Variants in BCAS3 observed in about 807,000 individuals in gnomAD.
The protein encoded by BCAS3 is BCAS3 microtubule associated cell migration factor.
Under a neutral mutation model 116.1 loss-of-function variants are expected in BCAS3, and 53 were observed. The observed-to-expected ratio is 0.46, with a 90% CI of 0.37 to 0.57. The LOEUF is 0.57. BCAS3 is among the 20% of genes least tolerant of loss of function. BCAS3 has a pLI of 0.00. For missense variants in BCAS3, 917 were observed against 1,165.4 expected, an observed-to-expected ratio of 0.79 and a Z score of 3.10; for synonymous variants, 391 against 408.2, an observed-to-expected ratio of 0.96 and a Z score of 0.51.
At chr17:61,031,440 A>G (rs1397061686) in intron 16 of BCAS3, among the ~76,000 whole-genome samples, 2 of 152,074 alleles carry the variant, frequency 1.3e-5, no homozygotes, top group South Asian at 4.1e-4. Context: ...TTGGACTTTT[A>G]AAAACTTAGG....
In BCAS3 at chr17:61,040,449, A is replaced by G. The variant is rs960654842; in HGVS notation, c.1929-343A>G. The stretch of plus-strand genomic sequence containing the variant: ...ATATACACATATTTTAAGAATAGAG[A>G]GGTCAGAAATTACATAAATTAGAAC... On this transcript the variant is annotated intron_variant, in intron 18 of 23. Coordinates refer to ENST00000407086, the MANE Select transcript of BCAS3 (RefSeq NM_017679.5). Among the ~76,000 whole-genome samples the G allele has an allele frequency of 5.3e-5, 8 of 152,302 alleles. No individual in the cohort carries two copies. In the East Asian group the frequency reaches 9.6e-4, roughly 18 times the overall value.
chr17:61,072,952 A>G (rs926279229), intron 19 of BCAS3, among the ~76,000 whole-genome samples: 4 of 151,902 alleles, frequency 2.6e-5, no homozygotes, highest in Non-Finnish European at 4.4e-5. Context: ...GCCTCTACAT[A>G]TTTTCCATAT....
intron 22 of BCAS3, among the ~76,000 whole-genome samples, chr17:61,129,137 G>C (rs138577841): frequency 6.6e-6 from 1 of 152,326 alleles, no homozygotes; most frequent in African/African-American, 2.4e-5. Flanking sequence ...TGTAGCACTA[G>C]GCTAGCCACC....
chr17:60,880,954 T>TG (rs1319394765), intron 9 of BCAS3, among the ~76,000 whole-genome samples: 130 of 135,722 alleles, frequency 9.6e-4, no homozygotes, highest in Non-Finnish European at 1.5e-3. Flanking sequence ...CTTTCTTCTT[T>TG]TTTTTGTTTT....
intron 10 of BCAS3, among the ~76,000 whole-genome samples, chr17:60,897,434 G>A (rs1400647749): frequency 6.6e-6 from 1 of 152,106 alleles, no homozygotes; most frequent in Non-Finnish European, 1.5e-5. Context: ...TAAGCCTGTT[G>A]TATCTGAATG....
intron 5 of BCAS3, among the ~76,000 whole-genome samples, chr17:60,738,802 C>T (rs1396728802): frequency 6.6e-6 from 1 of 152,162 alleles, no homozygotes; most frequent in East Asian, 1.9e-4. Flanking sequence ...TCTGCCCAGG[C>T]TGCAGTGCAG....
At chr17:60,957,562 G>A (rs2061200852) in intron 14 of BCAS3, among the ~76,000 whole-genome samples, 1 of 152,062 alleles carries the variant, frequency 6.6e-6, no homozygotes, top group Admixed American at 6.5e-5. Context: ...TTCATTTTTA[G>A]AAGTGCAATT....
At chr17:61,142,149 C>G (rs1423213178) in intron 22 of BCAS3, among the ~76,000 whole-genome samples, 1 of 151,582 alleles carries the variant, frequency 6.6e-6, no homozygotes, top group Non-Finnish European at 1.5e-5. Flanking sequence ...ACTGTATATA[C>G]CTTATCTCAT....
At chr17:61,090,683 A>G (rs1281910433) in intron 22 of BCAS3, among the ~76,000 whole-genome samples, 1 of 151,764 alleles carries the variant, frequency 6.6e-6, no homozygotes, top group African/African-American at 2.4e-5. Context: ...TTTGAGATGG[A>G]GTCTCACTGT....
intron 7 of BCAS3, among the ~76,000 whole-genome samples, chr17:60,829,033 C>T (rs1315906904): frequency 1.3e-5 from 2 of 151,952 alleles, no homozygotes; most frequent in Admixed American, 1.3e-4. Flanking sequence ...TTATCTAGCT[C>T]ATAATATCGA....
chr17:60,809,531 C>T (rs1303159847), intron 7 of BCAS3, among the ~76,000 whole-genome samples: 1 of 152,098 alleles, frequency 6.6e-6, no homozygotes, highest in African/African-American at 2.4e-5. Flanking sequence ...AGAGTGTCTT[C>T]CAGGGTGAGA....
At chr17:60,762,735 G>C (rs1421158616) in intron 6 of BCAS3, among the ~76,000 whole-genome samples, 1 of 152,166 alleles carries the variant, frequency 6.6e-6, no homozygotes, top group African/African-American at 2.4e-5. Context: ...ATTCTGTAAA[G>C]AAAGTCATTG....
chr17:61,310,383 G>A (rs773289606), intron 22 of BCAS3, among the ~76,000 whole-genome samples: 2 of 151,936 alleles, frequency 1.3e-5, no homozygotes, highest in African/African-American at 2.4e-5. Flanking sequence ...GAGAAACCCC[G>A]TCTCTACTAA....
intron 4 of BCAS3, among the ~76,000 whole-genome samples, chr17:60,701,517 G>A (rs2036384777): frequency 6.6e-6 from 1 of 152,072 alleles, no homozygotes; most frequent in Non-Finnish European, 1.5e-5. Flanking sequence ...AAATACATTG[G>A]AAAATTTTTT....
At chr17:60,722,358 T>C (rs1216478769) in intron 5 of BCAS3, among the ~76,000 whole-genome samples, 1 of 152,220 alleles carries the variant, frequency 6.6e-6, no homozygotes, top group Non-Finnish European at 1.5e-5. Flanking sequence ...ACCAGAATTA[T>C]GTGGAAGTTC....
At chr17:60,823,684 G>A (rs1390132838) in intron 7 of BCAS3, among the ~76,000 whole-genome samples, 1 of 152,158 alleles carries the variant, frequency 6.6e-6, no homozygotes, top group Non-Finnish European at 1.5e-5. Flanking sequence ...TTTGTTCTAG[G>A]AAGTTTCGTC....
intron 16 of BCAS3, among the ~76,000 whole-genome samples, chr17:61,030,951 AT>A (rs200780893): frequency 6.6e-6 from 1 of 151,908 alleles, no homozygotes; most frequent in Admixed American, 6.6e-5. Context: ...ATGTATAACC[AT>A]TTTAAAAAAA....
intron 22 of BCAS3, among the ~76,000 whole-genome samples, chr17:61,345,148 C>T (rs2057429992): frequency 6.6e-6 from 1 of 152,190 alleles, no homozygotes; most frequent in African/African-American, 2.4e-5. Context: ...ATCAAAAACT[C>T]TCCAGAATGT....
At chr17:60,934,325 A>G (rs1056258137) in intron 13 of BCAS3, among the ~76,000 whole-genome samples, 1 of 152,206 alleles carries the variant, frequency 6.6e-6, no homozygotes, top group African/African-American at 2.4e-5. Flanking sequence ...AAAGGTGCTC[A>G]GTTGATAGTG....
Sources: allele counts gnomAD v4.1 joint callset (sites outside exome capture counted in the v4.1 genomes callset), GRCh38; gene constraint gnomAD v4.1.1; transcripts MANE v1.5; gene names NCBI Gene and HGNC (gene_info 2026-07-23, HGNC 2026-07-21).